The following RBMS3 variants were observed in gnomAD, a reference collection of about 807,000 sequenced individuals.
RBMS3 encodes the protein RNA-binding motif, single-stranded-interacting protein 3.
In RBMS3, 27 loss-of-function variants were observed where a neutral mutation model predicts 66.8. That is an observed-to-expected ratio of 0.40 (90% CI 0.30 to 0.56). The LOEUF (loss-of-function observed/expected upper bound fraction) is 0.56, where lower values mean the gene tolerates loss of function less well. RBMS3 is among the 20% of genes least tolerant of loss of function. The pLI, the probability that RBMS3 is intolerant of heterozygous loss-of-function variation, is 0.40. For synonymous variants in RBMS3, 188 were observed against 183.0 expected (o/e 1.03, Z -0.22); for missense variants, 513 against 549.5 (o/e 0.93, Z 0.66).
At chr3:29,366,527 T>A (rs558181671) in intron 1 of RBMS3, among the ~76,000 whole-genome samples, 2 of 150,734 alleles carry the variant, frequency 1.3e-5, no homozygotes, top group African/African-American at 4.9e-5. Flanking sequence ...ACTACAGCTA[T>A]GAGCCACCAG....
intron 4 of RBMS3, among the ~76,000 whole-genome samples, chr3:29,642,134 A>G (rs556900752): frequency 6.6e-6 from 1 of 152,168 alleles, no homozygotes; most frequent in African/African-American, 2.4e-5. Flanking sequence ...TGCGATCAGA[A>G]AGGTTATAAC....
chr3:30,003,379 A>G (rs1699698020), intron 14 of RBMS3, among the ~76,000 whole-genome samples: 1 of 152,046 alleles, frequency 6.6e-6, no homozygotes, highest in African/African-American at 2.4e-5. Context: ...TGAACAAGAA[A>G]GTAGAGAAGG....
At chr3:29,803,965 A>G (rs2149447011) in intron 6 of RBMS3, among the ~76,000 whole-genome samples, 1 of 152,164 alleles carries the variant, frequency 6.6e-6, no homozygotes, top group South Asian at 2.1e-4. Context: ...ATTTTTTTCT[A>G]AACTGCTTCT....
intron 1 of RBMS3, among the ~76,000 whole-genome samples, chr3:29,296,650 T>A (rs553424487): frequency 2.6e-5 from 4 of 151,954 alleles, no homozygotes; most frequent in Non-Finnish European, 4.4e-5. Flanking sequence ...GACACAGAAC[T>A]ATTTGCTACC....
intron 2 of RBMS3, among the ~76,000 whole-genome samples, chr3:29,483,366 T>C (rs1033906249): frequency 4.0e-5 from 6 of 148,490 alleles, no homozygotes; most frequent in Non-Finnish European, 1.5e-5. Flanking sequence ...GTCTCTGGAG[T>C]ATTGCAAATA....
At chr3:29,518,304 G>A (rs62236920) in intron 3 of RBMS3, among the ~76,000 whole-genome samples, 2 of 152,010 alleles carry the variant, frequency 1.3e-5, no homozygotes, top group African/African-American at 4.8e-5. Context: ...AATGTCTTTT[G>A]GAAACTTATA....
rs79683287 is a variant in RBMS3, at chr3:29,909,725, G to A, written c.939+9970G>A. ...GGCCACTGTTTCTATACCCAGTAAC[G>A]TAAAAATTGTCCCAACTGAAGTATT... On this transcript the variant is annotated intron_variant, in intron 10 of 14. Transcript: ENST00000383767. Among the ~76,000 whole-genome samples, 1,155 of 152,210 alleles carry A rather than the reference G, an allele frequency of 7.6e-3. 20 individuals are homozygous for A. Among genetic ancestry groups the A allele is most frequent in the African/African-American group, 0.025 (1,039 of 41,546 alleles).
chr3:29,917,743 A>G (rs542916878), intron 10 of RBMS3, among the ~76,000 whole-genome samples: 2 of 152,236 alleles, frequency 1.3e-5, no homozygotes, highest in South Asian at 2.1e-4. Flanking sequence ...TGATCTGGTT[A>G]TTAGCATCTT....
In RBMS3 at chr3:29,680,207, C is replaced by A. The variant is rs78429141; in HGVS notation, c.400-59513C>A. On this transcript the variant is annotated intron_variant, in intron 4 of 14. Transcript: ENST00000383767. ...CAAGTCAGCATTAATGCCTATGTGG[C>A]CTGAGGAAAAAAATAAATAAGATCA... is the stretch of plus-strand genomic sequence containing the variant. Among the ~76,000 whole-genome samples the A allele has an allele frequency of 2.9e-3, 434 of 152,136 alleles. 3 individuals carry two copies. The highest frequency in any genetic ancestry group is 9.4e-3 in the African/African-American group (389 of 41,502).
At chr3:29,809,822 A>G (rs1229507396) in intron 6 of RBMS3, among the ~76,000 whole-genome samples, 2 of 152,108 alleles carry the variant, frequency 1.3e-5, no homozygotes, top group Non-Finnish European at 2.9e-5. Flanking sequence ...TAATGTATGA[A>G]GAAAATAACT....
chr3:29,323,697 C>A (rs1329926643), intron 1 of RBMS3, among the ~76,000 whole-genome samples: 1 of 101,956 alleles, frequency 9.8e-6, no homozygotes, highest in Non-Finnish European at 2.4e-5. Context: ...CACATACACA[C>A]ACACACACAC....
intron 2 of RBMS3, among the ~76,000 whole-genome samples, chr3:29,482,701 C>CTTTTTTTTTTTTTTTTTTTTTTTT (rs755520785): frequency 5.2e-5 from 4 of 77,502 alleles, no homozygotes; most frequent in Non-Finnish European, 9.1e-5. Flanking sequence ...TTCTTTCTTT[C>CTTTTTTTTTTTTTTTTTTTTTTTT]TTTTTTTTTT....
intron 1 of RBMS3, among the ~76,000 whole-genome samples, chr3:29,420,822 C>A (rs529266382): frequency 6.6e-6 from 1 of 151,754 alleles, no homozygotes; most frequent in Non-Finnish European, 1.5e-5. Flanking sequence ...AGGCTATTAT[C>A]GGCCAGGCAC....
rs149701229 is a variant in RBMS3 at position 29,981,749 on chromosome 3, G to A, written c.1099-6394G>A. ...CTACATTTATTGATTTCTATATGTT[G>A]AAGCAGCCTTGCATCCCAGGGATGT... On this transcript the variant is annotated intron_variant, in intron 12 of 14. Transcript: ENST00000383767. Among the ~76,000 whole-genome samples, 379 of 152,270 alleles carry A rather than the reference G, an allele frequency of 2.5e-3. No individual in the cohort carries two copies. The Middle Eastern group carries it at 0.031, about 12-fold the overall frequency.
At position 30,008,585 on chromosome 3, in the gene RBMS3, C is replaced by G. The variant is rs1212258508; in HGVS notation, c.*4723C>G. The G allele has an allele frequency of 6.6e-6, 1 of 152,028 alleles. No homozygotes were observed. The highest frequency in any genetic ancestry group is 1.5e-5 in the Non-Finnish European group (1 of 67,968). The allele number at this position is 152,028 out of a possible 1,614,324, so 9.4% of individuals were successfully genotyped here. A position where few individuals can be genotyped will look rare whatever the true frequency, so the allele number is the denominator to read the frequency against. On this transcript the variant is annotated 3_prime_UTR_variant, in exon 15 of 15. Transcript: ENST00000383767. ...CTTCAAAATTTTGAGCTTACTGGGA[C>G]TGACAGCCTCTCACTTCAATCTGAG... is the stretch of plus-strand genomic sequence containing the variant.
chr3:29,302,152 G>A (rs913750914), intron 1 of RBMS3, among the ~76,000 whole-genome samples: 3 of 151,850 alleles, frequency 2.0e-5, no homozygotes, highest in Admixed American at 2.0e-4. Context: ...TGGGACTACA[G>A]GTGCATGCCA....
intron 3 of RBMS3, among the ~76,000 whole-genome samples, chr3:29,546,450 C>A (rs1460510919): frequency 1.3e-5 from 2 of 152,042 alleles, no homozygotes; most frequent in Admixed American, 6.6e-5. Context: ...GGGATACGTA[C>A]ACATGAAAAA....
At chr3:29,857,050 C>T (rs1374015019) in intron 6 of RBMS3, among the ~76,000 whole-genome samples, 1 of 152,168 alleles carries the variant, frequency 6.6e-6, no homozygotes, top group Non-Finnish European at 1.5e-5. Flanking sequence ...CTACTGAAAG[C>T]AAGGTTTTCA....
intron 3 of RBMS3, among the ~76,000 whole-genome samples, chr3:29,538,208 C>T (rs907450940): frequency 6.6e-6 from 1 of 152,156 alleles, no homozygotes; most frequent in African/African-American, 2.4e-5. Flanking sequence ...TAATCAAATA[C>T]TGGAACATTT....
Sources: gnomAD v4.1 joint callset for allele counts (sites outside exome capture counted in the v4.1 genomes callset) on GRCh38, gnomAD v4.1.1 for gene constraint, MANE v1.5 for transcripts, NCBI Gene and HGNC (gene_info 2026-07-23, HGNC 2026-07-21) for gene names.